Variants in KCTD16 observed in about 807,000 individuals in gnomAD.
KCTD16 encodes the protein BTB/POZ domain-containing protein KCTD16.
A neutral mutation model predicts 33.2 loss-of-function variants in KCTD16; 13 were observed. The observed-to-expected ratio is 0.39, with a 90% CI of 0.25 to 0.62. The LOEUF (loss-of-function observed/expected upper bound fraction) is 0.62. Ranked by LOEUF, KCTD16 falls within the 20% of genes least tolerant of loss-of-function variation. KCTD16 has a pLI of 0.50. For synonymous variants in KCTD16, 197 were observed against 195.3 expected, an observed-to-expected ratio of 1.01 and a Z score of -0.07; for missense variants, 441 against 525.1, an observed-to-expected ratio of 0.84 and a Z score of 1.57.
chr5:144,443,091 A>G (rs1037820113), intron 3 of KCTD16, among the ~76,000 whole-genome samples: 1 of 152,132 alleles, frequency 6.6e-6, no homozygotes, highest in Non-Finnish European at 1.5e-5. Context: ...AGCTTCTGCA[A>G]CCGGTGTCTG....
chr5:144,366,787 C>G (rs1751846181), intron 3 of KCTD16, among the ~76,000 whole-genome samples: 1 of 152,162 alleles, frequency 6.6e-6, no homozygotes, highest in Non-Finnish European at 1.5e-5. Flanking sequence ...AAAGGCTACT[C>G]AACAAAAGTC....
In KCTD16 at chr5:144,294,474, A is replaced by G. The variant is rs779160188; in HGVS notation, c.832+86928A>G. 4.9e-4 allele frequency among the ~76,000 whole-genome samples: 73 copies of G among 150,190 alleles called. 1 individual carries two copies. The highest frequency in any genetic ancestry group is 1.0e-3 in the Non-Finnish European group (68 of 67,182). On this transcript the variant is annotated intron_variant, in intron 3 of 3. Transcript: ENST00000512467. ...AGATACTCTCTGGGTGTATGTAAGC[A>G]TTTTGTATATAAACTTATTTTTTTT...
intron 3 of KCTD16, among the ~76,000 whole-genome samples, chr5:144,308,635 A>C (rs1751674081): frequency 6.6e-6 from 1 of 152,078 alleles, no homozygotes; most frequent in Admixed American, 6.6e-5. Flanking sequence ...ACATATGTCT[A>C]TATGTTGGTA....
At chr5:144,395,345 A>G (rs1752545906) in intron 3 of KCTD16, among the ~76,000 whole-genome samples, 1 of 152,186 alleles carries the variant, frequency 6.6e-6, no homozygotes, top group African/African-American at 2.4e-5. Flanking sequence ...ATGCAATCAA[A>G]ATGCAAGTTT....
At chr5:144,218,536 C>G (rs544561598) in intron 3 of KCTD16, among the ~76,000 whole-genome samples, 1 of 152,164 alleles carries the variant, frequency 6.6e-6, no homozygotes, top group African/African-American at 2.4e-5. Context: ...ATGCCAAGAA[C>G]CAATATCATG....
rs976033297 is a variant in KCTD16 at position 144,435,618 on chromosome 5, G to A, written c.833-38042G>A. Among the ~76,000 whole-genome samples the A allele has an allele frequency of 2.6e-5, 4 of 152,218 alleles. No homozygotes were observed. The South Asian group carries it at 8.3e-4, about 32-fold the overall frequency. ...ATACTATTCTATATTACCGGAAATGGGATTGCTAGGACAAAGGACCTATAT... is the reference window on the plus strand; with the variant it reads ...ATACTATTCTATATTACCGGAAATGAGATTGCTAGGACAAAGGACCTATAT... On this transcript the variant is annotated intron_variant, in intron 3 of 3. Transcript: ENST00000512467.
chr5:144,378,535 G>A (rs972188755), intron 3 of KCTD16, among the ~76,000 whole-genome samples: 1 of 152,158 alleles, frequency 6.6e-6, no homozygotes, highest in African/African-American at 2.4e-5. Context: ...CTTAGTTTCA[G>A]ATGTGTGCAA....
intron 3 of KCTD16, among the ~76,000 whole-genome samples, chr5:144,360,346 C>T (rs573834365): frequency 5.3e-5 from 8 of 152,054 alleles, no homozygotes; most frequent in African/African-American, 1.2e-4. Context: ...TGAGAACATG[C>T]GGTGTTTGAT....
chr5:144,366,539 C>T (rs1010251018), intron 3 of KCTD16, among the ~76,000 whole-genome samples: 5 of 152,162 alleles, frequency 3.3e-5, no homozygotes, highest in African/African-American at 1.2e-4. Context: ...GAGTAATGAC[C>T]CAGCTCAGCC....
chr5:144,389,607 A>T (rs1399310426), intron 3 of KCTD16, among the ~76,000 whole-genome samples: 1 of 152,100 alleles, frequency 6.6e-6, no homozygotes, highest in African/African-American at 2.4e-5. Context: ...TAATAATAGA[A>T]ATAAGGGACT....
chr5:144,355,928 G>A (rs990675235), intron 3 of KCTD16, among the ~76,000 whole-genome samples: 2 of 152,110 alleles, frequency 1.3e-5, no homozygotes, highest in Non-Finnish European at 2.9e-5. Flanking sequence ...ACCCATTTGG[G>A]AGAAATATCT....
At chr5:144,354,199 A>T (rs1009967808) in intron 3 of KCTD16, among the ~76,000 whole-genome samples, 1 of 152,174 alleles carries the variant, frequency 6.6e-6, no homozygotes, top group Non-Finnish European at 1.5e-5. Flanking sequence ...CACTTAATAT[A>T]TCATAGACTT....
intron 3 of KCTD16, among the ~76,000 whole-genome samples, chr5:144,334,288 G>C (rs539928422): frequency 5.7e-4 from 87 of 152,272 alleles, no homozygotes; most frequent in Non-Finnish European, 9.4e-4. Context: ...GTGTCCTGGT[G>C]GGGTAGATAT....
intron 3 of KCTD16, among the ~76,000 whole-genome samples, chr5:144,227,682 G>T (rs1248340646): frequency 6.6e-6 from 1 of 152,204 alleles, no homozygotes; most frequent in African/African-American, 2.4e-5. Flanking sequence ...AAGGGAAGAA[G>T]TGTGGCAATC....
intron 3 of KCTD16, among the ~76,000 whole-genome samples, chr5:144,353,227 T>C (rs1445977773): frequency 6.6e-6 from 1 of 152,194 alleles, no homozygotes; most frequent in Non-Finnish European, 1.5e-5. Context: ...AATAAATTCC[T>C]TACATGGGTC....
chr5:144,181,093 C>T lies in KCTD16; in HGVS notation c.-327+6621C>T, dbSNP rs956693448. On this transcript the variant is annotated intron_variant, in intron 2 of 3. Coordinates refer to ENST00000512467, the MANE Select transcript of KCTD16 (RefSeq NM_020768.4). The stretch of plus-strand genomic sequence containing the variant: ...GACTACAGGCGCCCACCACCACGCC[C>T]GGCTAATTTTTTGTATTTTTTAGTA... 5.9e-5 allele frequency among the ~76,000 whole-genome samples: 9 copies of T among 152,082 alleles called. No homozygotes were observed. In the East Asian group the frequency reaches 9.7e-4, roughly 16 times the overall value.
At position 144,206,475 on chromosome 5, in the gene KCTD16, T is replaced by C. The variant is rs1753174586; in HGVS notation, c.-240T>C. ...ATATAGACGAGTTGATTATATTTTA[T>C]GAAGTAGCAGCTCACTACCATCCAC... On this transcript the variant is annotated 5_prime_UTR_variant, in exon 3 of 4. An upstream start codon of the reference 5' UTR is lost. Transcript: ENST00000512467. The C allele has an allele frequency of 2.3e-6, 1 of 436,640 alleles. No individual in the cohort carries two copies. Among genetic ancestry groups the C allele is most frequent in the African/African-American group, 2.0e-5 (1 of 50,488 alleles). 27.0% of individuals were successfully genotyped at this position (436,640 alleles called of 1,614,324 possible).
intron 3 of KCTD16, among the ~76,000 whole-genome samples, chr5:144,418,255 A>C (rs1485558835): frequency 1.3e-5 from 2 of 152,182 alleles, no homozygotes; most frequent in African/African-American, 4.8e-5. Context: ...CAAGGCTTCC[A>C]CAGCGTGGAA....
At chr5:144,319,874 A>G (rs1010725922) in intron 3 of KCTD16, among the ~76,000 whole-genome samples, 11 of 152,146 alleles carry the variant, frequency 7.2e-5, no homozygotes, top group African/African-American at 2.7e-4. Context: ...CAAAATTGCT[A>G]CGCTATTTTA....
Sources: gnomAD v4.1 joint callset for allele counts (sites outside exome capture counted in the v4.1 genomes callset) on GRCh38, gnomAD v4.1.1 for gene constraint, MANE v1.5 for transcripts, NCBI Gene and HGNC (gene_info 2026-07-23, HGNC 2026-07-21) for gene names.